KCTD9: variants seen among roughly 807,000 people sequenced by gnomAD.
KCTD9 encodes the protein BTB/POZ domain-containing protein KCTD9.
A neutral mutation model predicts 53.3 loss-of-function variants in KCTD9; 17 were observed. The observed-to-expected ratio is 0.32, with a 90% CI of 0.22 to 0.48. The LOEUF is 0.48. Among genes scored for constraint, KCTD9 ranks in the 20% least tolerant of loss-of-function variants. The probability of loss-of-function intolerance (pLI) is 0.99; values close to 1 mark genes in which losing one functional copy is unlikely to be tolerated. For missense variants in KCTD9, 179 were observed against 465.5 expected (o/e 0.38, Z 5.66); for synonymous variants, 128 against 162.7 (o/e 0.79, Z 1.62).
intron 2 of KCTD9, 87 bp downstream of exon 2, chr8:25,446,042 A>G: frequency 6.6e-7 from 1 of 1,515,414 alleles, no homozygotes; most frequent in East Asian, 2.3e-5. Flanking sequence ...TACTCTTAAC[A>G]GTGATTAAAT....
intron 6 of KCTD9, among the ~76,000 whole-genome samples, chr8:25,438,711 G>A (rs1375162179): frequency 2.0e-5 from 3 of 152,194 alleles, no homozygotes; most frequent in African/African-American, 7.2e-5. Context: ...CATCACCTCC[G>A]TGAATCTTCA....
At chr8:25,445,080 T>C (rs1332648579) in intron 2 of KCTD9, among the ~76,000 whole-genome samples, 1 of 152,178 alleles carries the variant, frequency 6.6e-6, no homozygotes, top group East Asian at 1.9e-4. Flanking sequence ...TCCAACAATG[T>C]GACTCAGTTT....
intron 11 of KCTD9, among the ~76,000 whole-genome samples, chr8:25,431,124 C>CCTGG (rs1801920954): frequency 6.6e-6 from 1 of 152,112 alleles, no homozygotes; most frequent in South Asian, 2.1e-4. Context: ...AGCCACTGCG[C>CCTGG]CTGGCCCCAA....
intron 1 of KCTD9, among the ~76,000 whole-genome samples, chr8:25,450,793 G>A (rs1468603118): frequency 6.6e-6 from 1 of 152,132 alleles, no homozygotes; most frequent in East Asian, 1.9e-4. Context: ...ACCCTGCTAA[G>A]TTTTTTGCTT....
At chr8:25,431,029 C>T (rs1249418565) in intron 11 of KCTD9, among the ~76,000 whole-genome samples, 1 of 151,960 alleles carries the variant, frequency 6.6e-6, no homozygotes, top group Non-Finnish European at 1.5e-5. Flanking sequence ...CGGGGTTTCA[C>T]CATGTTGGCC....
chr8:25,435,426 A>G lies in KCTD9; in HGVS notation c.750T>C (p.Leu250=). The G allele has an allele frequency of 1.2e-6, 2 of 1,612,470 alleles. No homozygotes were observed. ...TTGCACAGCAAAGATTTGCATGTGC[A>G]AGATTACAGCGGCTTAAATTGGCCA... The part of the protein sequence containing the change: ...FKMANLSRCN[L]AHANLCCANL... Residue 250 remains leucine, a synonymous_variant, in exon 9 of 12, where the codon CTT becomes CTC. Coordinates refer to ENST00000221200, the MANE Select transcript of KCTD9 (RefSeq NM_017634.4).
intron 2 of KCTD9, among the ~76,000 whole-genome samples, chr8:25,445,114 G>A (rs1170221064): frequency 6.6e-6 from 1 of 152,100 alleles, no homozygotes; most frequent in African/African-American, 2.4e-5. Flanking sequence ...AAAGAAGCTG[G>A]GAGATACATA....
At chr8:25,452,442 T>C (rs907227243) in intron 1 of KCTD9, among the ~76,000 whole-genome samples, 1 of 152,226 alleles carries the variant, frequency 6.6e-6, no homozygotes, top group African/African-American at 2.4e-5. Context: ...TATGTGTCTA[T>C]ACCTTAGAGT....
At chr8:25,439,708 T>C (rs1445925905) in intron 4 of KCTD9, 44 bp from the exon 5 acceptor site, 2 of 1,612,298 alleles carry the variant, frequency 1.2e-6, no homozygotes, top group South Asian at 1.1e-5. Context: ...TTTGTCTTTA[T>C]AAACAAACAT....
At chr8:25,455,313 C>T (rs1021363224) in intron 1 of KCTD9, among the ~76,000 whole-genome samples, 2 of 151,752 alleles carry the variant, frequency 1.3e-5, no homozygotes, top group East Asian at 1.9e-4. Context: ...AAATCTGAAG[C>T]CATTTGTCTT....
chr8:25,458,278 G>T lies in KCTD9; in HGVS notation c.-32C>A, dbSNP rs756048526. 15 of 1,606,270 alleles carry T rather than the reference G, an allele frequency of 9.3e-6. No homozygotes were observed. The African/African-American group carries it at 2.0e-4, about 22-fold the overall frequency. ...GCCCCCGCTGGGTCCTGAGTGAGCCGCCACCCTCCCACCTGGTCCTCCTCC... is the reference window on the plus strand; with the variant it reads ...GCCCCCGCTGGGTCCTGAGTGAGCCTCCACCCTCCCACCTGGTCCTCCTCC... On this transcript the variant is annotated 5_prime_UTR_variant, in exon 1 of 12. Transcript: ENST00000221200.
intron 3 of KCTD9, among the ~76,000 whole-genome samples, chr8:25,443,532 C>A (rs947029950): frequency 6.6e-6 from 1 of 152,036 alleles, no homozygotes; most frequent in Non-Finnish European, 1.5e-5. Context: ...ATTAAGTGAC[C>A]ATTGCCTGCC....
At chr8:25,454,478 G>A (rs1363231319) in intron 1 of KCTD9, among the ~76,000 whole-genome samples, 1 of 152,148 alleles carries the variant, frequency 6.6e-6, no homozygotes, top group Admixed American at 6.5e-5. Context: ...ACATTAAGTT[G>A]CTCAGAAGCC....
chr8:25,439,451 A>C (rs764398763), intron 5 of KCTD9, 44 bp from the exon 6 acceptor site: 37 of 1,575,734 alleles, frequency 2.3e-5, no homozygotes, highest in Non-Finnish European at 3.1e-5. Context: ...TAAACAAAAA[A>C]TAAAGTCAGA....
At chr8:25,444,975 T>C (rs972509200) in intron 2 of KCTD9, among the ~76,000 whole-genome samples, 1 of 152,164 alleles carries the variant, frequency 6.6e-6, no homozygotes, top group Non-Finnish European at 1.5e-5. Context: ...GTAGACGTTT[T>C]TATTTCCTAT....
chr8:25,429,733 T>G lies in KCTD9; in HGVS notation c.*124A>C. ...ACCACTCAAAACAAGCATAATCCTCTAAATGTTTTTTTTTTAAATTTCCTT... is the reference window on the plus strand; with the variant it reads ...ACCACTCAAAACAAGCATAATCCTCGAAATGTTTTTTTTTTAAATTTCCTT... On this transcript the variant is annotated 3_prime_UTR_variant, in exon 12 of 12. Coordinates refer to ENST00000221200, the MANE Select transcript of KCTD9 (RefSeq NM_017634.4). The G allele has an allele frequency of 1.5e-6, 1 of 671,902 alleles. No homozygotes were observed. The highest frequency in any genetic ancestry group is 2.7e-6 in the Non-Finnish European group (1 of 369,990). 41.6% of individuals were successfully genotyped at this position (671,902 alleles called of 1,614,324 possible). A position where few individuals can be genotyped will look rare whatever the true frequency, so the allele number is the denominator to read the frequency against.
At chr8:25,441,789 C>T (rs1050231534) in intron 3 of KCTD9, among the ~76,000 whole-genome samples, 5 of 151,888 alleles carry the variant, frequency 3.3e-5, no homozygotes, top group African/African-American at 1.2e-4. Flanking sequence ...CTCAGGAGTT[C>T]GAGACCAGCC....
At chr8:25,438,273 T>G (rs1802056305) in intron 6 of KCTD9, among the ~76,000 whole-genome samples, 1 of 151,294 alleles carries the variant, frequency 6.6e-6, no homozygotes. Context: ...GTTATAAAGT[T>G]ATAGAACTAG....
chr8:25,457,684 CTGTCT>C (rs1451407560), intron 1 of KCTD9: 1 of 152,354 alleles, frequency 6.6e-6, no homozygotes, highest in Admixed American at 6.5e-5. Flanking sequence ...TTTAAAAATC[CTGTCT>C]GCGACCTCGG....
Sources: allele counts gnomAD v4.1 joint callset (sites outside exome capture counted in the v4.1 genomes callset), GRCh38; gene constraint gnomAD v4.1.1; transcripts MANE v1.5; gene names NCBI Gene and HGNC (gene_info 2026-07-23, HGNC 2026-07-21).